The following NHS variants were observed in gnomAD, a reference collection of about 807,000 sequenced individuals.
The protein encoded by NHS is NHS actin remodeling regulator.
A neutral mutation model predicts 72.5 loss-of-function variants in NHS; 5 were observed. The observed-to-expected ratio is 0.07, with a 90% CI of 0.04 to 0.14. NHS has a LOEUF of 0.14. Ranked by LOEUF, NHS falls within the 10% of genes least tolerant of loss-of-function variation. NHS has a pLI of 1.00. For missense variants in NHS, 1,072 were observed against 1,355.7 expected (o/e 0.79, Z 3.29); for synonymous variants, 464 against 547.7 (o/e 0.85, Z 2.13).
chrX:17,378,085 T>TGTGTGTGTGTGTGTGTGA (rs1491390890), intron 1 of NHS, among the ~76,000 whole-genome samples: 2 of 104,423 alleles, frequency 1.9e-5, no homozygotes, highest in African/African-American at 6.8e-5. Flanking sequence ...TGTGTGTGTG[T>TGTGTGTGTGTGTGTGTGA]GAGACACACC....
At chrX:17,378,085 T>TGTGTGTGTGTGTGTGTGAGA (rs1491390890) in intron 1 of NHS, among the ~76,000 whole-genome samples, 3 of 104,423 alleles carry the variant, frequency 2.9e-5, no homozygotes, top group African/African-American at 1.0e-4. Flanking sequence ...TGTGTGTGTG[T>TGTGTGTGTGTGTGTGTGAGA]GAGACACACC....
rs1222820680 is a variant in NHS, at chrX:17,433,032, T to TC, written c.565+56715dup. Among the ~76,000 whole-genome samples the TC allele has an allele frequency of 9.1e-5, 10 of 109,686 alleles. No homozygotes were observed. The East Asian group carries it at 2.9e-3, about 31-fold the overall frequency. On this transcript the variant is annotated intron_variant, in intron 1 of 8. Transcript: ENST00000676302. Reference sequence around the variant, plus strand: ...GAATTCCTTCAAATGTTATTTTTGCTCCCCCTTTTTTTTTTGAGACGGAGT... The same window carrying TC: ...GAATTCCTTCAAATGTTATTTTTGCTCCCCCCTTTTTTTTTTGAGACGGAGT...
At chrX:17,395,603 G>A (rs1391767372) in intron 1 of NHS, among the ~76,000 whole-genome samples, 2 of 111,784 alleles carry the variant, frequency 1.8e-5, no homozygotes, top group South Asian at 3.7e-4. Flanking sequence ...ATTCAGGAAC[G>A]AATCAACCCA....
intron 1 of NHS, among the ~76,000 whole-genome samples, chrX:17,416,422 G>C (rs889627663): frequency 9.0e-6 from 1 of 111,730 alleles, no homozygotes; most frequent in African/African-American, 3.3e-5. Context: ...TGCATGTGCT[G>C]TTGCTCCTGC....
intron 1 of NHS, among the ~76,000 whole-genome samples, chrX:17,488,869 G>A (rs962640675): frequency 1.6e-4 from 18 of 110,623 alleles, no homozygotes; most frequent in Non-Finnish European, 3.2e-4. Context: ...GTATACATGT[G>A]CCATGGTGGT....
chrX:17,417,780 G>A (rs1257123331), intron 1 of NHS, among the ~76,000 whole-genome samples: 1 of 112,331 alleles, frequency 8.9e-6, no homozygotes, highest in Non-Finnish European at 1.9e-5. Flanking sequence ...AGAAGTTACA[G>A]TGTGGTCAAG....
intron 1 of NHS, among the ~76,000 whole-genome samples, chrX:17,377,600 C>A (rs1240877710): frequency 1.8e-5 from 2 of 113,539 alleles, no homozygotes; most frequent in Non-Finnish European, 3.7e-5. Context: ...ACCTCTGCCC[C>A]ACAGCCCAGC....
intron 5 of NHS, among the ~76,000 whole-genome samples, chrX:17,723,809 G>A (rs1314006845): frequency 1.9e-5 from 2 of 102,763 alleles, no homozygotes; most frequent in Non-Finnish European, 3.9e-5. Flanking sequence ...AGAAGGTTTG[G>A]ACCATAAGAG....
At chrX:17,478,645 GTCTA>G (rs1178421958) in intron 1 of NHS, among the ~76,000 whole-genome samples, 2 of 111,805 alleles carry the variant, frequency 1.8e-5, no homozygotes, top group Admixed American at 1.9e-4. Context: ...TTCTACAACA[GTCTA>G]TCTAATATTT....
At chrX:17,569,118 A>G (rs1255903821) in intron 1 of NHS, among the ~76,000 whole-genome samples, 8 of 111,784 alleles carry the variant, frequency 7.2e-5, no homozygotes, top group African/African-American at 9.8e-5. Flanking sequence ...TAGTGCTGCA[A>G]TAAACATACG....
intron 1 of NHS, among the ~76,000 whole-genome samples, chrX:17,435,781 T>A (rs1395129289): frequency 8.9e-6 from 1 of 112,180 alleles, no homozygotes; most frequent in Non-Finnish European, 1.9e-5. Flanking sequence ...CTGGTCAGCA[T>A]GGGGTCCTGC....
At chrX:17,422,170 G>A (rs750203054) in intron 1 of NHS, among the ~76,000 whole-genome samples, 8 of 112,099 alleles carry the variant, frequency 7.1e-5, no homozygotes, top group South Asian at 3.7e-4. Context: ...AAATGGAATC[G>A]TACAATAATA....
In NHS at chrX:17,376,146, C is replaced by G; in HGVS notation, c.389C>G (p.Ala130Gly). 8.4e-7 allele frequency: 1 copy of G among 1,185,660 alleles called. No homozygotes were observed. Among genetic ancestry groups the G allele is most frequent in the African/African-American group, 1.7e-5 (1 of 57,541 alleles). ...CTGGACCTATGCGCGGTCAGCAACGCCGCTCTGGCCCGTGTCCTCCGGCAG... is the reference window on the plus strand; with the variant it reads ...CTGGACCTATGCGCGGTCAGCAACGGCGCTCTGGCCCGTGTCCTCCGGCAG... Reference protein sequence around the residue: ...LMLDLCAVSNAALARVLRQLS... With the variant: ...LMLDLCAVSNGALARVLRQLS... Residue 130 changes from alanine to glycine, a missense_variant, in exon 1 of 9, where the codon GCC (alanine) becomes GGC (glycine). Transcript: ENST00000676302.
At chrX:17,678,291 T>TGAGAGA (rs1214341622) in intron 1 of NHS, among the ~76,000 whole-genome samples, 1 of 105,580 alleles carries the variant, frequency 9.5e-6, no homozygotes, top group African/African-American at 3.8e-5. Flanking sequence ...TGTGTGTGTG[T>TGAGAGA]GTGAGAGAGA....
At chrX:17,417,162 A>T (rs1228920075) in intron 1 of NHS, among the ~76,000 whole-genome samples, 2 of 110,388 alleles carry the variant, frequency 1.8e-5, no homozygotes, top group Admixed American at 9.7e-5. Flanking sequence ...ATTTTTTTTT[A>T]AATTGAAGTA....
rs867505181 is a variant in NHS at position 17,558,427 on chromosome X, A to G, written c.566-129315A>G. Reference sequence around the variant, plus strand: ...CTTCAACTATACCTTTGTGGAGTCAATGGTAACAGTACCTTTCAGAAGTCT... The same window carrying G: ...CTTCAACTATACCTTTGTGGAGTCAGTGGTAACAGTACCTTTCAGAAGTCT... On this transcript the variant is annotated intron_variant, in intron 1 of 8. Coordinates refer to ENST00000676302, the MANE Select transcript of NHS (RefSeq NM_001291867.2). Among the ~76,000 whole-genome samples the G allele has an allele frequency of 2.7e-5, 3 of 112,384 alleles. No individual in the cohort carries two copies. The East Asian group carries it at 8.4e-4, about 31-fold the overall frequency.
chrX:17,674,916 G>A (rs904159000), intron 1 of NHS, among the ~76,000 whole-genome samples: 4 of 112,099 alleles, frequency 3.6e-5, no homozygotes, highest in African/African-American at 9.7e-5. Context: ...CCTAGTTTTC[G>A]AAATACTGCA....
At chrX:17,421,533 T>C (rs939864289) in intron 1 of NHS, among the ~76,000 whole-genome samples, 3 of 111,600 alleles carry the variant, frequency 2.7e-5, no homozygotes, top group African/African-American at 9.8e-5. Context: ...TTTTAAACTT[T>C]TATACTGTGG....
intron 1 of NHS, among the ~76,000 whole-genome samples, chrX:17,602,764 C>CT (rs1310400629): frequency 1.9e-4 from 18 of 95,403 alleles, no homozygotes; most frequent in South Asian, 9.3e-4. Context: ...GTTTATGGTT[C>CT]TTTTTTTTTA....
Sources: gnomAD v4.1 joint callset for allele counts (sites outside exome capture counted in the v4.1 genomes callset) on GRCh38, gnomAD v4.1.1 for gene constraint, MANE v1.5 for transcripts, NCBI Gene and HGNC (gene_info 2026-07-23, HGNC 2026-07-21) for gene names.